The following HS3ST5 variants were observed in gnomAD, a reference collection of about 807,000 sequenced individuals.
The protein encoded by HS3ST5 is heparan sulfate glucosamine 3-O-sulfotransferase 5.
In HS3ST5, 10 loss-of-function variants were observed where a neutral mutation model predicts 25.4. The ratio of observed to expected loss-of-function variants is 0.39; its 90% CI spans 0.24 to 0.67. The LOEUF (loss-of-function observed/expected upper bound fraction) is 0.67. Ranked by LOEUF, HS3ST5 falls within the 30% of genes least tolerant of loss-of-function variation. The probability of loss-of-function intolerance (pLI) is 0.44; values close to 1 mark genes in which losing one functional copy is unlikely to be tolerated. For missense variants in HS3ST5, 324 were observed against 420.7 expected (o/e 0.77, Z 2.01); for synonymous variants, 170 against 162.4 (o/e 1.05, Z -0.36).
intron 1 of HS3ST5, among the ~76,000 whole-genome samples, chr6:114,299,992 A>C (rs1775002774): frequency 6.6e-6 from 1 of 152,168 alleles, no homozygotes; most frequent in African/African-American, 2.4e-5. Context: ...AATGGTCCTT[A>C]AGTGCTGGTG....
chr6:114,165,310 C>T (rs527396828), intron 3 of HS3ST5, among the ~76,000 whole-genome samples: 45 of 152,258 alleles, frequency 3.0e-4, no homozygotes, highest in Middle Eastern at 3.4e-3. Flanking sequence ...TGCACAGCAT[C>T]GGGTCAGCAT....
chr6:114,261,562 AGAG>A (rs758507655), intron 1 of HS3ST5, among the ~76,000 whole-genome samples: 5 of 152,210 alleles, frequency 3.3e-5, no homozygotes, highest in African/African-American at 4.8e-5. Flanking sequence ...TTTCACAGAG[AGAG>A]GAGAAGAGAG....
chr6:114,169,765 C>T (rs962828373), intron 2 of HS3ST5, among the ~76,000 whole-genome samples: 6 of 152,102 alleles, frequency 3.9e-5, no homozygotes, highest in Non-Finnish European at 8.8e-5. Flanking sequence ...AGAGGGCACT[C>T]AACATTCATT....
chr6:114,200,740 A>C (rs1197816953), intron 2 of HS3ST5, among the ~76,000 whole-genome samples: 1 of 152,138 alleles, frequency 6.6e-6, no homozygotes, highest in Non-Finnish European at 1.5e-5. Flanking sequence ...AAATATTTTT[A>C]AGATTCTAAT....
chr6:114,135,644 C>A (rs1777559433), intron 3 of HS3ST5, among the ~76,000 whole-genome samples: 1 of 152,238 alleles, frequency 6.6e-6, no homozygotes, highest in Non-Finnish European at 1.5e-5. Flanking sequence ...GGTCAGATGT[C>A]ATCTTTTTCT....
intron 3 of HS3ST5, among the ~76,000 whole-genome samples, chr6:114,092,474 T>C (rs1354287675): frequency 8.2e-6 from 1 of 121,552 alleles, no homozygotes; most frequent in African/African-American, 2.6e-5. Flanking sequence ...CTGTGGTAAG[T>C]GGCACAATGT....
chr6:114,093,301 A>G (rs1775227814), intron 3 of HS3ST5, among the ~76,000 whole-genome samples: 1 of 150,212 alleles, frequency 6.7e-6, no homozygotes, highest in Non-Finnish European at 1.5e-5. Flanking sequence ...CTCTTTGCTC[A>G]TTCATCCCTA....
In HS3ST5 at chr6:114,260,744, G is replaced by C. The variant is rs78876259; in HGVS notation, c.-338-31966C>G. 2.6e-3 allele frequency among the ~76,000 whole-genome samples: 391 copies of C among 152,280 alleles called. 4 individuals are homozygous for C. Among genetic ancestry groups the C allele is most frequent in the Admixed American group, 0.019 (294 of 15,306 alleles). On this transcript the variant is annotated intron_variant, in intron 1 of 4. Transcript: ENST00000312719. ...TTGACCTGAGAAGGCAGGTGTTCTAGGCAAAAGGGCCAGCACCTGCAAAGG... is the reference window on the plus strand; with the variant it reads ...TTGACCTGAGAAGGCAGGTGTTCTACGCAAAAGGGCCAGCACCTGCAAAGG...
chr6:114,315,461 G>T (rs987668224), intron 1 of HS3ST5, among the ~76,000 whole-genome samples: 1 of 152,074 alleles, frequency 6.6e-6, no homozygotes, highest in Non-Finnish European at 1.5e-5. Context: ...AGAAAAAATT[G>T]CAAACAATCA....
rs549353602 is a variant in HS3ST5, at chr6:114,224,314, C to T, written c.-145+4271G>A. 8.6e-4 allele frequency among the ~76,000 whole-genome samples: 130 copies of T among 151,524 alleles called. 1 individual carries two copies. Among genetic ancestry groups the T allele is most frequent in the Non-Finnish European group, 1.5e-3 (99 of 67,606 alleles). ...AAGATATGACAGAAACATACTGTCA[C>T]AAAGGATTTGAGAAAATCTTTCATG... On this transcript the variant is annotated intron_variant, in intron 2 of 4. Coordinates refer to ENST00000312719, the MANE Select transcript of HS3ST5 (RefSeq NM_153612.4).
chr6:114,223,780 T>G (rs1219036474), intron 2 of HS3ST5, among the ~76,000 whole-genome samples: 5 of 151,808 alleles, frequency 3.3e-5, no homozygotes, highest in Non-Finnish European at 7.4e-5. Context: ...AATTTTTGGT[T>G]AATGAGTAGT....
intron 3 of HS3ST5, among the ~76,000 whole-genome samples, chr6:114,123,055 C>T (rs1004511542): frequency 3.9e-5 from 6 of 152,170 alleles, no homozygotes; most frequent in Non-Finnish European, 7.3e-5. Flanking sequence ...TGGGTTCAAG[C>T]GATTCTCCTG....
At position 114,088,354 on chromosome 6, in the gene HS3ST5, ATTC is replaced by A. The variant is rs147369975; in HGVS notation, c.-32-25480_-32-25478del. Among the ~76,000 whole-genome samples, 15 of 147,356 alleles carry A rather than the reference ATTC, an allele frequency of 1.0e-4. No homozygotes were observed. In the East Asian group the frequency reaches 3.0e-3, roughly 30 times the overall value. ...TTTTTCAGAGATTCTGTGCTTTCTT[ATTC>A]TTTTCTTCTGCCTATACTATTTCCT... On this transcript the variant is annotated intron_variant, in intron 3 of 4. Coordinates refer to ENST00000312719, the MANE Select transcript of HS3ST5 (RefSeq NM_153612.4).
At chr6:114,309,771 T>C (rs1236288113) in intron 1 of HS3ST5, among the ~76,000 whole-genome samples, 1 of 152,132 alleles carries the variant, frequency 6.6e-6, no homozygotes, top group African/African-American at 2.4e-5. Flanking sequence ...TAAATATCCT[T>C]TTGTGTTAAA....
intron 3 of HS3ST5, among the ~76,000 whole-genome samples, chr6:114,119,748 G>A: frequency 6.6e-6 from 1 of 152,162 alleles, no homozygotes; most frequent in Non-Finnish European, 1.5e-5. Context: ...GATACTACAT[G>A]CTTCACCAAT....
chr6:114,066,294 AAC>A (rs1166330870), intron 3 of HS3ST5, among the ~76,000 whole-genome samples: 2 of 152,192 alleles, frequency 1.3e-5, no homozygotes, highest in Admixed American at 6.5e-5. Context: ...GAGCCTTTAA[AAC>A]ACACACACTT....
intron 3 of HS3ST5, among the ~76,000 whole-genome samples, chr6:114,063,236 C>T (rs567787597): frequency 1.4e-4 from 21 of 152,184 alleles, no homozygotes; most frequent in African/African-American, 2.4e-4. Flanking sequence ...GCAACTTGGC[C>T]GGGTACGGTG....
rs766897963 is a variant in HS3ST5, at chr6:114,058,161, C to T, written c.137G>A (p.Arg46Gln). ...AGCCTGAGTGCGGGCTCCACCCAGTCGACCTTCAATGGGGCAAATGGGTTG... is the reference window on the plus strand; with the variant it reads ...AGCCTGAGTGCGGGCTCCACCCAGTTGACCTTCAATGGGGCAAATGGGTTG... The part of the protein sequence containing the change: ...RLQPICPIEG[R>Q]LGGARTQAEF... The change falls in exon 5 of 5, where the codon CGA becomes CAA. Residue 46 changes from arginine to glutamine, a missense_variant. By Grantham distance (43) the Arg-to-Gln change is conservative. Coordinates refer to ENST00000312719, the MANE Select transcript of HS3ST5 (RefSeq NM_153612.4). 33 of 1,608,586 alleles carry T rather than the reference C, an allele frequency of 2.1e-5. 1 individual carries two copies. In the South Asian group the frequency reaches 3.1e-4, roughly 15 times the overall value.
At chr6:114,229,905 C>G (rs1265997709) in intron 1 of HS3ST5, among the ~76,000 whole-genome samples, 2 of 152,156 alleles carry the variant, frequency 1.3e-5, no homozygotes, top group Non-Finnish European at 2.9e-5. Context: ...ACAAATAGCA[C>G]TAATGGCTTT....
Sources: gnomAD v4.1 joint callset for allele counts (sites outside exome capture counted in the v4.1 genomes callset) on GRCh38, gnomAD v4.1.1 for gene constraint, MANE v1.5 for transcripts, NCBI Gene and HGNC (gene_info 2026-07-23, HGNC 2026-07-21) for gene names.